Variants in DIP2B observed in about 807,000 individuals in gnomAD.
DIP2B encodes DIP2 acetate--CoA ligase B (putative), also known as disco-interacting protein 2 homolog B.
Under a neutral mutation model 198.0 loss-of-function variants are expected in DIP2B, and 76 were observed. That is an observed-to-expected ratio of 0.38 (90% confidence interval 0.32 to 0.46). The LOEUF (loss-of-function observed/expected upper bound fraction) is 0.46. Among genes scored for constraint, DIP2B ranks in the 20% least tolerant of loss-of-function variants. The probability of loss-of-function intolerance (pLI) is 0.99; values close to 1 mark genes in which losing one functional copy is unlikely to be tolerated. For synonymous variants in DIP2B, 701 were observed against 739.1 expected (o/e 0.95, Z 0.84); for missense variants, 1,559 against 1,978.4 (o/e 0.79, Z 4.02).
intron 25 of DIP2B, among the ~76,000 whole-genome samples, chr12:50,719,577 C>T (rs750263359): frequency 6.6e-6 from 1 of 152,098 alleles, no homozygotes; most frequent in Non-Finnish European, 1.5e-5. Flanking sequence ...CACAGTGGCT[C>T]ACACCTGTAA....
At chr12:50,522,232 C>T (rs573924816) in intron 1 of DIP2B, among the ~76,000 whole-genome samples, 1 of 151,798 alleles carries the variant, frequency 6.6e-6, no homozygotes, top group Admixed American at 6.6e-5. Context: ...AGCTCCTGAC[C>T]TCAAGTGATC....
intron 1 of DIP2B, among the ~76,000 whole-genome samples, chr12:50,508,944 C>T (rs1385795398): frequency 1.3e-5 from 2 of 152,138 alleles, no homozygotes; most frequent in African/African-American, 4.8e-5. Flanking sequence ...AGATGATCTG[C>T]CTGCCTTGGC....
chr12:50,593,610 C>T (rs945266303), intron 1 of DIP2B, among the ~76,000 whole-genome samples: 3 of 151,020 alleles, frequency 2.0e-5, no homozygotes, highest in Non-Finnish European at 4.4e-5. Context: ...TCAGAGATTA[C>T]TGAATCACCT....
intron 1 of DIP2B, among the ~76,000 whole-genome samples, chr12:50,538,081 G>C (rs1423559323): frequency 6.6e-6 from 1 of 152,108 alleles, no homozygotes. Context: ...GTCTTCATAG[G>C]GCTAAGGGAA....
intron 25 of DIP2B, among the ~76,000 whole-genome samples, chr12:50,719,968 T>C (rs1230583266): frequency 1.3e-5 from 2 of 150,294 alleles, no homozygotes; most frequent in African/African-American, 4.9e-5. Flanking sequence ...TCTTGCTCTG[T>C]CACCTGGGCT....
intron 1 of DIP2B, among the ~76,000 whole-genome samples, chr12:50,561,963 T>C (rs1256613506): frequency 6.6e-6 from 1 of 152,252 alleles, no homozygotes; most frequent in Admixed American, 6.5e-5. Context: ...AGGGTTCTTA[T>C]TCTAGTAGTA....
chr12:50,559,608 C>T (rs896425762), intron 1 of DIP2B, among the ~76,000 whole-genome samples: 3 of 151,674 alleles, frequency 2.0e-5, no homozygotes, highest in East Asian at 1.9e-4. Flanking sequence ...TGGTGCATCC[C>T]TATAGTTCCA....
chr12:50,526,406 A>G (rs541580205), intron 1 of DIP2B, among the ~76,000 whole-genome samples: 22 of 152,208 alleles, frequency 1.4e-4, no homozygotes, highest in African/African-American at 5.1e-4. Context: ...CAGTTGGGTG[A>G]TATGTGACAA....
chr12:50,505,467 A>G (rs898425362), intron 1 of DIP2B, among the ~76,000 whole-genome samples: 6 of 152,102 alleles, frequency 3.9e-5, no homozygotes, highest in African/African-American at 1.4e-4. Flanking sequence ...GGCTTGTGGA[A>G]AGGTCCTCCC....
chr12:50,741,354 C>G (rs1592150775), intron 36 of DIP2B, 62 bp from the exon 37 acceptor site: 3 of 1,574,894 alleles, frequency 1.9e-6, no homozygotes, highest in Non-Finnish European at 1.7e-6. Context: ...GCTGTGGACT[C>G]CAGTGTTATG....
chr12:50,678,551 C>A, intron 7 of DIP2B, 128 bp from the exon 8 acceptor site: 1 of 984,570 alleles, frequency 1.0e-6, no homozygotes, highest in Non-Finnish European at 1.5e-6. Context: ...CTAACCATGT[C>A]CTTTCTCAAA....
chr12:50,630,653 T>G (rs551038838), intron 2 of DIP2B, among the ~76,000 whole-genome samples: 8 of 122,274 alleles, frequency 6.5e-5, no homozygotes, highest in African/African-American at 1.9e-4. Flanking sequence ...CACCACGAAT[T>G]CTTTCTTTTC....
At chr12:50,584,598 G>C (rs892051132) in intron 1 of DIP2B, among the ~76,000 whole-genome samples, 7 of 152,240 alleles carry the variant, frequency 4.6e-5, no homozygotes, top group Non-Finnish European at 8.8e-5. Context: ...GAATCTCACT[G>C]TGTGGTCCAG....
intron 27 of DIP2B, among the ~76,000 whole-genome samples, chr12:50,723,787 C>T (rs1044670575): frequency 2.0e-5 from 3 of 152,022 alleles, no homozygotes; most frequent in African/African-American, 7.3e-5. Context: ...CTGTCTAAAA[C>T]GTGCTGTCTG....
chr12:50,530,509 A>G (rs1040449130), intron 1 of DIP2B, among the ~76,000 whole-genome samples: 2 of 152,224 alleles, frequency 1.3e-5, no homozygotes, highest in Non-Finnish European at 2.9e-5. Context: ...GCCTTAGAGG[A>G]GAATAGTTTC....
At chr12:50,626,727 T>G (rs1471614867) in intron 2 of DIP2B, among the ~76,000 whole-genome samples, 1 of 152,060 alleles carries the variant, frequency 6.6e-6, no homozygotes, top group African/African-American at 2.4e-5. Context: ...TCTACCCCCT[T>G]CAACCAAAGT....
intron 2 of DIP2B, among the ~76,000 whole-genome samples, chr12:50,630,200 G>A (rs960655388): frequency 2.0e-5 from 3 of 151,862 alleles, no homozygotes; most frequent in African/African-American, 4.8e-5. Flanking sequence ...CACCTGCCTC[G>A]GCCTCCCAAA....
intron 1 of DIP2B, among the ~76,000 whole-genome samples, chr12:50,616,132 T>A (rs532316735): frequency 6.6e-6 from 1 of 152,382 alleles, no homozygotes; most frequent in East Asian, 1.9e-4. Flanking sequence ...TCACATATGT[T>A]TGACCTAGAA....
At chr12:50,739,724 T>A in intron 36 of DIP2B, 138 bp downstream of exon 36, 1 of 1,091,442 alleles carries the variant, frequency 9.2e-7, no homozygotes, top group Non-Finnish European at 1.3e-6. Flanking sequence ...TAAGTGACTC[T>A]CTCTTCATTT....
Sources: gnomAD v4.1 joint callset for allele counts (sites outside exome capture counted in the v4.1 genomes callset) on GRCh38, gnomAD v4.1.1 for gene constraint, MANE v1.5 for transcripts, NCBI Gene and HGNC (gene_info 2026-07-23, HGNC 2026-07-21) for gene names.